DAPK2: variants seen among roughly 807,000 people sequenced by gnomAD.
The protein encoded by DAPK2 is death associated protein kinase 2.
A neutral mutation model predicts 44.1 loss-of-function variants in DAPK2; 35 were observed. The ratio of observed to expected loss-of-function variants is 0.79; its 90% CI spans 0.61 to 1.05. The LOEUF (loss-of-function observed/expected upper bound fraction) is 1.05. Ranked by LOEUF, DAPK2 falls within the 50% of genes least tolerant of loss-of-function variation. The pLI is 0.00. For missense variants in DAPK2, 453 were observed against 483.2 expected, an observed-to-expected ratio of 0.94 and a Z score of 0.59; for synonymous variants, 174 against 182.6, an observed-to-expected ratio of 0.95 and a Z score of 0.38.
intron 1 of DAPK2, among the ~76,000 whole-genome samples, chr15:64,004,695 G>A (rs1392529531): frequency 6.6e-6 from 1 of 152,126 alleles, no homozygotes; most frequent in Non-Finnish European, 1.5e-5. Flanking sequence ...TTCCACAGTG[G>A]GCCCCTTGGT....
intron 4 of DAPK2, among the ~76,000 whole-genome samples, chr15:63,932,342 G>C (rs1306669476): frequency 6.7e-6 from 1 of 149,812 alleles, no homozygotes; most frequent in Non-Finnish European, 1.5e-5. Context: ...GCACATGCCT[G>C]TAATCCCAGC....
In DAPK2 at chr15:64,013,670, G is replaced by C. The variant is rs2079446694; in HGVS notation, c.92+26500C>G. 6.6e-6 allele frequency among the ~76,000 whole-genome samples: 1 copy of C among 152,216 alleles called. No homozygotes were observed. On this transcript the variant is annotated intron_variant, in intron 1 of 10. Transcript: ENST00000261891. The surrounding 1 kb of genome is among the most constrained non-coding windows in gnomAD (Gnocchi z 4.7). ...CCTTCTAAAATGATTGCAGACCTGG[G>C]AAGGAGGGTGCTATTAAGTGAACAG...
chr15:63,930,355 C>T, intron 5 of DAPK2, 52 bp downstream of exon 6: 1 of 1,578,968 alleles, frequency 6.3e-7, no homozygotes, highest in South Asian at 1.1e-5. Flanking sequence ...GATCTGAGGC[C>T]TTCCGCCCTT....
chr15:63,954,454 C>T (rs1378579425), intron 3 of DAPK2, among the ~76,000 whole-genome samples: 1 of 152,112 alleles, frequency 6.6e-6, no homozygotes, highest in East Asian at 1.9e-4. Context: ...AATGAGTTCA[C>T]TGTAGATGTA....
chr15:64,017,532 G>T (rs1015341214), intron 1 of DAPK2, among the ~76,000 whole-genome samples: 1 of 152,206 alleles, frequency 6.6e-6, no homozygotes, highest in Non-Finnish European at 1.5e-5. Flanking sequence ...GACACGGGCA[G>T]GTCCACACCT....
At chr15:63,993,300 T>C (rs2078865080) in intron 1 of DAPK2, among the ~76,000 whole-genome samples, 1 of 152,206 alleles carries the variant, frequency 6.6e-6, no homozygotes, top group African/African-American at 2.4e-5. Flanking sequence ...TAGGCACACA[T>C]GGGGCAAAGT....
At position 64,002,960 on chromosome 15, in the gene DAPK2, G is replaced by GGGACC. The variant is rs1567266528; in HGVS notation, c.93-19207_93-19206insGGTCC. Among the ~76,000 whole-genome samples the GGGACC allele has an allele frequency of 2.0e-3, 231 of 115,562 alleles. 1 individual carries two copies. The highest frequency in any genetic ancestry group is 0.011 in the East Asian group (37 of 3,392). 75.8% of individuals were successfully genotyped at this position (115,562 alleles called of 152,430 possible). On this transcript the variant is annotated intron_variant, in intron 1 of 10. Coordinates refer to ENST00000261891, the Ensembl canonical transcript of DAPK2. ...TGTGTGTGTGTGTGTGTGTGTGTGT[G>GGGACC]TGTGTCGTGGGACCTGTGTGTGTGT...
chr15:63,926,032 C>T (rs773511101), exon 7 of DAPK2: 63 of 1,614,018 alleles, frequency 3.9e-5, no homozygotes, highest in Non-Finnish European at 4.7e-5. Context: ...TAACTCACTG[C>T]TGTGATATTT....
chr15:63,983,436 G>C, intron 2 of DAPK2, 97 bp downstream of exon 3: 1 of 1,119,962 alleles, frequency 8.9e-7, no homozygotes, highest in Non-Finnish European at 1.3e-6. Context: ...GCTTAGGCCT[G>C]GTTGCTGCTG....
chr15:63,981,047 G>C (rs185073541), intron 2 of DAPK2, among the ~76,000 whole-genome samples: 1 of 150,776 alleles, frequency 6.6e-6, no homozygotes, highest in Non-Finnish European at 1.5e-5. Flanking sequence ...CCAGGATCGC[G>C]TCATTGCACT....
chr15:63,964,010 CTG>C (rs2077983889), intron 3 of DAPK2, among the ~76,000 whole-genome samples: 1 of 152,168 alleles, frequency 6.6e-6, no homozygotes, highest in African/African-American at 2.4e-5. Context: ...TTATGATATT[CTG>C]TGTTTTTCTG....
chr15:63,908,721 G>A lies in DAPK2; in HGVS notation c.1033-121C>T. 1 of 760,360 alleles carries A rather than the reference G, an allele frequency of 1.3e-6. No homozygotes were observed. The highest frequency in any genetic ancestry group is 2.0e-6 in the Non-Finnish European group (1 of 502,512). The allele number at this position is 760,360 out of a possible 1,614,324, so 47.1% of individuals were successfully genotyped here. ...CACGGGACTACAAGCCAGGGAGGTG[G>A]GTGGTGAAAGCAAGCCTGCTGATCC... On this transcript the variant is annotated intron_variant, in intron 10 of 10. Transcript: ENST00000261891. The surrounding 1 kb of genome is among the most constrained non-coding windows in gnomAD (Gnocchi z 5.7).
At chr15:63,946,084 C>T (rs895026659) in intron 3 of DAPK2, among the ~76,000 whole-genome samples, 1 of 152,384 alleles carries the variant, frequency 6.6e-6, no homozygotes. Flanking sequence ...CCACAGGTGC[C>T]GCCACTGCCC....
intron 1 of DAPK2, among the ~76,000 whole-genome samples, chr15:64,034,135 G>C (rs1334365095): frequency 1.3e-5 from 2 of 152,134 alleles, no homozygotes; most frequent in Admixed American, 1.3e-4. Context: ...TTTTGCCAAG[G>C]GCTGAGATGA....
chr15:63,977,424 C>A (rs1434226320), intron 2 of DAPK2, among the ~76,000 whole-genome samples: 2 of 152,180 alleles, frequency 1.3e-5, no homozygotes, highest in Non-Finnish European at 2.9e-5. Context: ...GATGATGGCT[C>A]CAATCCTTCA....
chr15:63,955,308 T>C (rs1485423135), intron 3 of DAPK2, among the ~76,000 whole-genome samples: 2 of 152,194 alleles, frequency 1.3e-5, no homozygotes, highest in East Asian at 1.9e-4. Context: ...GCTTTTATTG[T>C]GTTGAGATAT....
chr15:64,008,076 T>C (rs2079284294), intron 1 of DAPK2, among the ~76,000 whole-genome samples: 1 of 151,862 alleles, frequency 6.6e-6, no homozygotes, highest in Non-Finnish European at 1.5e-5. Flanking sequence ...TAATGAAATG[T>C]TCTAAAATTG....
chr15:63,929,893 T>A, intron 5 of DAPK2: 1 of 526,900 alleles, frequency 1.9e-6, no homozygotes, highest in Admixed American at 2.3e-5. Context: ...AGGATAATGA[T>A]AACTACCTCA....
chr15:64,000,797 T>G (rs1353771944), intron 1 of DAPK2, among the ~76,000 whole-genome samples: 1 of 151,954 alleles, frequency 6.6e-6, no homozygotes, highest in Non-Finnish European at 1.5e-5. Context: ...TGACAAAGTG[T>G]CTGATGAGTG....
Sources: gnomAD v4.1 joint callset for allele counts (sites outside exome capture counted in the v4.1 genomes callset) on GRCh38, gnomAD v4.1.1 for gene constraint, Gnocchi (gnomAD v3.1) non-coding constraint, MANE v1.5 for transcripts, NCBI Gene and HGNC (gene_info 2026-07-23, HGNC 2026-07-21) for gene names.